Variants in PUM2 observed in about 807,000 individuals in gnomAD.
PUM2 encodes pumilio homolog 2.
Under a neutral mutation model 124.5 loss-of-function variants are expected in PUM2, and 57 were observed. That is an observed-to-expected ratio of 0.46 (90% CI 0.37 to 0.57). The LOEUF (loss-of-function observed/expected upper bound fraction) is 0.57. Among genes scored for constraint, PUM2 ranks in the 20% least tolerant of loss-of-function variants. PUM2 has a pLI of 0.00. For missense variants in PUM2, 1,065 were observed against 1,290.6 expected (o/e 0.83, Z 2.68); for synonymous variants, 460 against 446.1 (o/e 1.03, Z -0.39).
chr2:20,285,684 A>G (rs1232767787), intron 10 of PUM2, among the ~76,000 whole-genome samples: 1 of 152,190 alleles, frequency 6.6e-6, no homozygotes, highest in Admixed American at 6.5e-5. Flanking sequence ...GCCAGCCACT[A>G]TTCTAGGTAC....
At chr2:20,350,342 C>T (rs1178376145) in intron 1 of PUM2, 8 of 514,260 alleles carry the variant, frequency 1.6e-5, no homozygotes, top group East Asian at 1.5e-4. Context: ...CCCGAGGCGG[C>T]GGCCCCGCAG....
At chr2:20,292,507 C>T (rs778051157) in intron 9 of PUM2, among the ~76,000 whole-genome samples, 5 of 152,058 alleles carry the variant, frequency 3.3e-5, no homozygotes, top group East Asian at 1.9e-4. Flanking sequence ...GGACAACAGG[C>T]GCACGCCACC....
intron 13 of PUM2, 83 bp from the exon 14 acceptor site, chr2:20,263,543 C>G: frequency 7.0e-7 from 1 of 1,433,564 alleles, no homozygotes; most frequent in Non-Finnish European, 9.4e-7. Context: ...CAAATTCAGT[C>G]AATAAAGAAA....
chr2:20,256,001 C>G, intron 17 of PUM2, 32 bp downstream of exon 17: 1 of 1,504,040 alleles, frequency 6.6e-7, no homozygotes, highest in Non-Finnish European at 8.9e-7. Context: ...TAATGCCCTG[C>G]TAACAAATTA....
chr2:20,319,238 G>T (rs1382211877), intron 2 of PUM2, among the ~76,000 whole-genome samples: 1 of 152,172 alleles, frequency 6.6e-6, no homozygotes, highest in Non-Finnish European at 1.5e-5. Flanking sequence ...CATAAAAATT[G>T]TGTTGATACA....
chr2:20,322,615 C>A (rs1208668773), intron 2 of PUM2, among the ~76,000 whole-genome samples: 1 of 151,628 alleles, frequency 6.6e-6, no homozygotes, highest in Non-Finnish European at 1.5e-5. Context: ...CCAGCCTGGG[C>A]AACATGGCGA....
chr2:20,295,235 G>C (rs1449875298), intron 8 of PUM2, among the ~76,000 whole-genome samples: 1 of 152,082 alleles, frequency 6.6e-6, no homozygotes, highest in Admixed American at 6.5e-5. Flanking sequence ...TTGATTCCTA[G>C]AAAGTAAATA....
At chr2:20,305,271 G>A (rs976408054) in intron 7 of PUM2, among the ~76,000 whole-genome samples, 2 of 151,902 alleles carry the variant, frequency 1.3e-5, no homozygotes, top group Admixed American at 6.6e-5. Context: ...GATTACTTGA[G>A]CCCAGGAGTT....
chr2:20,346,310 TAAAC>T (rs1488402607), intron 1 of PUM2, among the ~76,000 whole-genome samples: 2 of 152,360 alleles, frequency 1.3e-5, no homozygotes, highest in Admixed American at 1.3e-4. Context: ...ATGTTCTTAA[TAAAC>T]TAACTTAAAA....
At chr2:20,347,569 T>C (rs529436378) in intron 1 of PUM2, among the ~76,000 whole-genome samples, 25 of 152,360 alleles carry the variant, frequency 1.6e-4, no homozygotes, top group African/African-American at 5.8e-4. Flanking sequence ...GTCTCCTGTC[T>C]ATATATATTG....
At chr2:20,277,634 A>G (rs1185425041) in intron 13 of PUM2, among the ~76,000 whole-genome samples, 2 of 152,060 alleles carry the variant, frequency 1.3e-5, no homozygotes, top group Non-Finnish European at 2.9e-5. Context: ...TTTTTCTTTT[A>G]AATAGCTATA....
At chr2:20,318,726 C>T (rs1681589629) in intron 2 of PUM2, 81 bp from the exon 3 acceptor site, 4 of 937,722 alleles carry the variant, frequency 4.3e-6, no homozygotes, top group Non-Finnish European at 6.6e-6. Context: ...CATATCACTG[C>T]TATGTATACA....
intron 20 of PUM2, 47 bp downstream of exon 20, chr2:20,253,775 C>G (rs776669982): frequency 1.3e-6 from 2 of 1,517,932 alleles, no homozygotes; most frequent in South Asian, 2.5e-5. Context: ...AATGTGTAGC[C>G]TAAACACAAA....
At chr2:20,326,454 C>T in intron 2 of PUM2, 1 of 1,280,490 alleles carries the variant, frequency 7.8e-7, no homozygotes, top group Non-Finnish European at 1.0e-6. Flanking sequence ...AAAATAATCT[C>T]CAGGAGCAAG....
intron 2 of PUM2, 108 bp from the exon 3 acceptor site, chr2:20,318,753 A>T: frequency 1.5e-6 from 1 of 669,666 alleles, no homozygotes; most frequent in Non-Finnish European, 2.4e-6. Context: ...TTCAATGCTA[A>T]TGAAAATTCA....
intron 15 of PUM2, among the ~76,000 whole-genome samples, chr2:20,258,648 ATC>A (rs1479428248): frequency 7.7e-6 from 1 of 130,610 alleles, no homozygotes; most frequent in African/African-American, 2.8e-5. Flanking sequence ...AAAACCCTTC[ATC>A]TTTTTTTTTT....
intron 2 of PUM2, among the ~76,000 whole-genome samples, chr2:20,323,325 G>T (rs537964235): frequency 1.3e-5 from 2 of 152,030 alleles, no homozygotes; most frequent in South Asian, 4.2e-4. Context: ...GCACACGCCT[G>T]CGGTCCCAGC....
chr2:20,327,196 G>A, intron 2 of PUM2, 114 bp downstream of exon 2: 1 of 716,542 alleles, frequency 1.4e-6, no homozygotes, highest in Non-Finnish European at 2.4e-6. Context: ...CCTCCATATA[G>A]TTTGGAAGAT....
At chr2:20,261,591 C>G (rs1666296786) in intron 14 of PUM2, among the ~76,000 whole-genome samples, 1 of 148,316 alleles carries the variant, frequency 6.7e-6, no homozygotes, top group Admixed American at 6.7e-5. Context: ...CCAGAAAAAG[C>G]ACTGTTATCA....
Sources: allele counts gnomAD v4.1 joint callset (sites outside exome capture counted in the v4.1 genomes callset), GRCh38; gene constraint gnomAD v4.1.1; transcripts MANE v1.5; gene names NCBI Gene and HGNC (gene_info 2026-07-23, HGNC 2026-07-21).